RBMS1: variants seen among roughly 807,000 people sequenced by gnomAD.
The protein encoded by RBMS1 is RNA-binding motif, single-stranded-interacting protein 1.
Under a neutral mutation model 62.3 loss-of-function variants are expected in RBMS1, and 17 were observed. The observed-to-expected ratio is 0.27, with a 90% CI of 0.19 to 0.41. The LOEUF (loss-of-function observed/expected upper bound fraction) is 0.41, where lower values mean the gene tolerates loss of function less well. Among genes scored for constraint, RBMS1 ranks in the 10% least tolerant of loss-of-function variants. RBMS1 has a pLI of 1.00. For missense variants in RBMS1, 334 were observed against 504.5 expected (o/e 0.66, Z 3.24); for synonymous variants, 172 against 170.0 (o/e 1.01, Z -0.09).
At chr2:160,474,428 CTGATATGACTGCAAGATCA>C (rs1048549019) in intron 1 of RBMS1, among the ~76,000 whole-genome samples, 4 of 152,168 alleles carry the variant, frequency 2.6e-5, no homozygotes, top group Admixed American at 2.0e-4. Flanking sequence ...ATTTTCTTTA[CTGATATGACTGCAAGATCA>C]TGGGATTTTG....
At chr2:160,284,940 T>C (rs1688293198) in intron 8 of RBMS1, 55 bp downstream of exon 8, 1 of 1,577,542 alleles carries the variant, frequency 6.3e-7, no homozygotes, top group Admixed American at 1.7e-5. Context: ...ATGTCTGATA[T>C]TTTCCACCTT....
chr2:160,483,738 G>C (rs1685465363), intron 1 of RBMS1, among the ~76,000 whole-genome samples: 1 of 152,182 alleles, frequency 6.6e-6, no homozygotes, highest in Non-Finnish European at 1.5e-5. Context: ...AACTCTAAGA[G>C]TACAAGAAGC....
chr2:160,402,096 G>A (rs901199646), intron 1 of RBMS1: 2 of 151,206 alleles, frequency 1.3e-5, no homozygotes, highest in African/African-American at 4.9e-5. Context: ...ACCCGCTGTT[G>A]CTTGCTCTGT....
At position 160,318,059 on chromosome 2, in the gene RBMS1, G is replaced by A. The variant is rs1690323829; in HGVS notation, c.310+110C>T. On this transcript the variant is annotated intron_variant, in intron 3 of 13. Transcript: ENST00000348849. ...AAGACAGAAACTGGGTGATATATAA[G>A]ATCTGGTTTTTAATAAAACGAAGGT... The A allele has an allele frequency of 3.4e-6, 5 of 1,455,900 alleles. No individual in the cohort carries two copies. The South Asian group carries it at 6.5e-5, about 19-fold the overall frequency. 90.2% of individuals were successfully genotyped at this position (1,455,900 alleles called of 1,614,324 possible). A position where few individuals can be genotyped will look rare whatever the true frequency, so the allele number is the denominator to read the frequency against.
At chr2:160,437,086 T>C (rs1023658295) in intron 1 of RBMS1, among the ~76,000 whole-genome samples, 1 of 152,180 alleles carries the variant, frequency 6.6e-6, no homozygotes, top group Non-Finnish European at 1.5e-5. Flanking sequence ...TTCATTTAGC[T>C]TGGACCCTGG....
chr2:160,348,574 T>C (rs921475823), intron 2 of RBMS1, among the ~76,000 whole-genome samples: 16 of 152,114 alleles, frequency 1.1e-4, no homozygotes, highest in Non-Finnish European at 1.8e-4. Context: ...GTGCTTCTCA[T>C]TGATGGCTGA....
chr2:160,410,532 G>A (rs1195920728), intron 1 of RBMS1, among the ~76,000 whole-genome samples: 4 of 152,156 alleles, frequency 2.6e-5, no homozygotes, highest in African/African-American at 4.8e-5. Context: ...ATGAGACCCT[G>A]TATATAACAT....
intron 1 of RBMS1, among the ~76,000 whole-genome samples, chr2:160,453,481 T>C (rs1434973421): frequency 5.3e-5 from 8 of 152,282 alleles, no homozygotes; most frequent in Admixed American, 4.6e-4. Flanking sequence ...TAAGCATGCA[T>C]TACTTTCATA....
At chr2:160,302,094 T>C (rs1025805140) in intron 5 of RBMS1, among the ~76,000 whole-genome samples, 3 of 152,056 alleles carry the variant, frequency 2.0e-5, no homozygotes, top group Admixed American at 2.0e-4. Flanking sequence ...TATTTTTCCA[T>C]CAGAAACCAA....
chr2:160,437,102 C>A (rs1324062722), intron 1 of RBMS1, among the ~76,000 whole-genome samples: 1 of 152,010 alleles, frequency 6.6e-6, no homozygotes, highest in Non-Finnish European at 1.5e-5. Context: ...CCTGGAAGAG[C>A]GATGTTAAAG....
At chr2:160,333,391 A>C (rs186571912) in intron 2 of RBMS1, among the ~76,000 whole-genome samples, 34 of 152,316 alleles carry the variant, frequency 2.2e-4, no homozygotes, top group African/African-American at 8.2e-4. Flanking sequence ...TCAGAGCTCA[A>C]CTTATCAAAA....
chr2:160,475,092 T>C (rs183625813), intron 1 of RBMS1, among the ~76,000 whole-genome samples: 49 of 152,362 alleles, frequency 3.2e-4, no homozygotes, highest in Non-Finnish European at 6.9e-4. Flanking sequence ...AATGCTATGG[T>C]AGGCACTCAC....
intron 2 of RBMS1, among the ~76,000 whole-genome samples, chr2:160,333,500 A>G (rs1691393926): frequency 6.6e-6 from 1 of 152,176 alleles, no homozygotes; most frequent in African/African-American, 2.4e-5. Context: ...AGAAGGTGAT[A>G]ATGACCTCCT....
intron 2 of RBMS1, among the ~76,000 whole-genome samples, chr2:160,363,543 G>C (rs151300024): frequency 6.6e-6 from 1 of 152,022 alleles, no homozygotes; most frequent in African/African-American, 2.4e-5. Context: ...GGAGTCAGCC[G>C]GTTCTTCTGG....
intron 1 of RBMS1, among the ~76,000 whole-genome samples, chr2:160,470,497 G>A (rs1396912693): frequency 2.6e-5 from 4 of 151,914 alleles, no homozygotes; most frequent in Admixed American, 1.3e-4. Flanking sequence ...CATTACTATC[G>A]TTATTGTTAA....
intron 1 of RBMS1, among the ~76,000 whole-genome samples, chr2:160,479,257 T>G (rs766857558): frequency 3.2e-4 from 48 of 152,188 alleles, no homozygotes; most frequent in Non-Finnish European, 5.7e-4. Flanking sequence ...AACAAGGCCA[T>G]GAATAGGCCA....
At chr2:160,402,686 T>C (rs1695501377) in intron 1 of RBMS1, among the ~76,000 whole-genome samples, 1 of 152,158 alleles carries the variant, frequency 6.6e-6, no homozygotes, top group Non-Finnish European at 1.5e-5. Flanking sequence ...AAGGGAAGTG[T>C]AGTGAGGCCA....
intron 2 of RBMS1, among the ~76,000 whole-genome samples, chr2:160,348,130 T>G (rs1363145913): frequency 2.0e-5 from 3 of 152,076 alleles, no homozygotes; most frequent in African/African-American, 4.8e-5. Context: ...TAAAACATAG[T>G]GAGAAAGTAA....
chr2:160,426,581 T>C (rs761883410), intron 1 of RBMS1, among the ~76,000 whole-genome samples: 33 of 152,360 alleles, frequency 2.2e-4, no homozygotes, highest in Non-Finnish European at 3.7e-4. Context: ...CCAATTCTTA[T>C]AAAAAGTGGA....
Sources: gnomAD v4.1 joint callset for allele counts (sites outside exome capture counted in the v4.1 genomes callset) on GRCh38, gnomAD v4.1.1 for gene constraint, MANE v1.5 for transcripts, NCBI Gene and HGNC (gene_info 2026-07-23, HGNC 2026-07-21) for gene names.